The following PDK1 variants were observed in gnomAD, a reference collection of about 807,000 sequenced individuals.
PDK1 encodes the protein pyruvate dehydrogenase kinase 1.
PDK1 carries 39 observed loss-of-function variants against 54.2 expected under a neutral mutation model. The observed-to-expected ratio is 0.72, with a 90% CI of 0.56 to 0.94. The LOEUF is 0.94. Ranked by LOEUF, PDK1 falls within the 40% of genes least tolerant of loss-of-function variation. PDK1 has a pLI of 0.00. For synonymous variants in PDK1, 221 were observed against 207.1 expected (o/e 1.07, Z -0.58); for missense variants, 552 against 566.0 (o/e 0.98, Z 0.25).
intron 1 of PDK1, among the ~76,000 whole-genome samples, chr2:172,558,409 C>T (rs766750225): frequency 1.3e-5 from 2 of 152,146 alleles, no homozygotes; most frequent in Non-Finnish European, 2.9e-5. Flanking sequence ...CTCAGGTTAC[C>T]TAACTTCTAA....
chr2:172,668,798 GTA>G, the PDK1 span, among the ~76,000 whole-genome samples: 1 of 108,444 alleles, frequency 9.2e-6, no homozygotes, highest in African/African-American at 3.7e-5. Context: ...ATATGTATGT[GTA>G]TATATATACA....
intron 8 of PDK1, among the ~76,000 whole-genome samples, chr2:172,576,413 C>T (rs34888332): frequency 0.18 from 26,575 of 150,888 alleles, 2,793 homozygotes; most frequent in African/African-American, 0.28. Flanking sequence ...TAGCTAAATA[C>T]TTATCAATTT....
chr2:172,686,914 T>G, the PDK1 span, among the ~76,000 whole-genome samples: 2 of 152,236 alleles, frequency 1.3e-5, no homozygotes, highest in Non-Finnish European at 2.9e-5. Context: ...ATGAACTTAA[T>G]CACATACCAT....
chr2:172,626,503 T>A, the PDK1 span, among the ~76,000 whole-genome samples: 1 of 152,164 alleles, frequency 6.6e-6, no homozygotes, highest in South Asian at 2.1e-4. Context: ...AGTTTTGAAA[T>A]TAATGTGTTG....
chr2:172,724,021 A>C, the PDK1 span: 1 of 152,224 alleles, frequency 6.6e-6, no homozygotes, highest in African/African-American at 2.4e-5. Flanking sequence ...ATATTATATT[A>C]TATCCTAACC....
chr2:172,684,544 T>G, the PDK1 span, among the ~76,000 whole-genome samples: 27,841 of 152,158 alleles, frequency 0.18, 2,993 homozygotes, highest in African/African-American at 0.3. Context: ...AGTAAACCAA[T>G]CTGGAGATGA....
At chr2:172,615,697 T>G in the PDK1 span, among the ~76,000 whole-genome samples, 1 of 152,170 alleles carries the variant, frequency 6.6e-6, no homozygotes, top group Non-Finnish European at 1.5e-5. Flanking sequence ...TGCAAAATCA[T>G]CTTTACAATA....
At chr2:172,680,366 A>G in the PDK1 span, among the ~76,000 whole-genome samples, 1 of 151,846 alleles carries the variant, frequency 6.6e-6, no homozygotes, top group African/African-American at 2.4e-5. Flanking sequence ...TTCTTTTTTA[A>G]ATAGAGACAA....
At chr2:172,659,960 T>C in the PDK1 span, among the ~76,000 whole-genome samples, 1 of 152,138 alleles carries the variant, frequency 6.6e-6, no homozygotes, top group Admixed American at 6.5e-5. Context: ...AATCTAATGA[T>C]CTAAGTTGCC....
chr2:172,569,421 C>T lies in PDK1; in HGVS notation c.846+604C>T, dbSNP rs193285648. 2.9e-4 allele frequency among the ~76,000 whole-genome samples: 44 copies of T among 151,996 alleles called. No individual in the cohort carries two copies. In the South Asian group the frequency reaches 7.3e-3, roughly 25 times the overall value. Reference sequence around the variant, plus strand: ...TAATATTGAGAGTATCTTTTTTCCCCGCCAATAATACTTGCTGGTTGACAA... The same window carrying T: ...TAATATTGAGAGTATCTTTTTTCCCTGCCAATAATACTTGCTGGTTGACAA... On this transcript the variant is annotated intron_variant, in intron 7 of 10. Transcript: ENST00000282077.
the PDK1 span, among the ~76,000 whole-genome samples, chr2:172,636,590 G>C: frequency 6.6e-6 from 1 of 151,996 alleles, no homozygotes; most frequent in Non-Finnish European, 1.5e-5. Context: ...GCATGGTGGT[G>C]GGCACCTGCA....
chr2:172,643,710 C>T, the PDK1 span, among the ~76,000 whole-genome samples: 1 of 152,146 alleles, frequency 6.6e-6, no homozygotes, highest in Non-Finnish European at 1.5e-5. Context: ...AAGGACAGAG[C>T]TGAGGGTGGG....
chr2:172,681,967 A>G, the PDK1 span, among the ~76,000 whole-genome samples: 3 of 152,190 alleles, frequency 2.0e-5, no homozygotes. Context: ...CATGTTGGCC[A>G]GGCTGGTCTT....
At chr2:172,700,997 GGGGAGA>G in the PDK1 span, among the ~76,000 whole-genome samples, 10 of 152,120 alleles carry the variant, frequency 6.6e-5, no homozygotes, top group East Asian at 3.9e-4. Context: ...ACCGTGCAAA[GGGGAGA>G]GGGAGAGGGA....
chr2:172,662,989 A>G, the PDK1 span, among the ~76,000 whole-genome samples: 1 of 152,198 alleles, frequency 6.6e-6, no homozygotes, highest in Non-Finnish European at 1.5e-5. Context: ...TATTCAATGC[A>G]TATTTGCTGA....
At position 172,556,202 on chromosome 2, in the gene PDK1, G is replaced by T. The variant is rs1368845841; in HGVS notation, c.52G>T (p.Gly18Trp). The T allele has an allele frequency of 7.1e-7, 1 of 1,417,698 alleles. No homozygotes were observed. Among genetic ancestry groups the T allele is most frequent in the South Asian group, 1.5e-5 (1 of 67,820 alleles). 87.8% of individuals were successfully genotyped at this position (1,417,698 alleles called of 1,614,324 possible). The change falls in exon 1 of 11, where the codon GGG becomes TGG. Residue 18 changes from glycine (G) to tryptophan (W), a missense_variant. Gly to Trp is a radical substitution (Grantham distance 184). Coordinates refer to ENST00000282077, the MANE Select transcript of PDK1 (RefSeq NM_002610.5). ...AGCCGCCTTGGCCGGCCCGGGCCCG[G>T]GGCTGCGCGCCGCCGGCTTCAGCCG... ...RGAALAGPGP[G>W]LRAAGFSRSF...
the PDK1 span, among the ~76,000 whole-genome samples, chr2:172,637,451 C>A: frequency 5.9e-5 from 9 of 152,154 alleles, no homozygotes; most frequent in Non-Finnish European, 4.4e-5. Flanking sequence ...TAAAATTATT[C>A]TTTTATCAAG....
At chr2:172,638,795 A>C in the PDK1 span, among the ~76,000 whole-genome samples, 5 of 152,234 alleles carry the variant, frequency 3.3e-5, no homozygotes, top group African/African-American at 7.2e-5. Context: ...TAAATGCACC[A>C]ATCAGCACTC....
At chr2:172,591,385 TCTC>T (rs1487901608) in intron 9 of PDK1, among the ~76,000 whole-genome samples, 7 of 152,130 alleles carry the variant, frequency 4.6e-5, no homozygotes, top group South Asian at 2.1e-4. Flanking sequence ...ACAACATTCT[TCTC>T]CTAAGAAGGT....
Sources: gnomAD v4.1 joint callset for allele counts (sites outside exome capture counted in the v4.1 genomes callset) on GRCh38, gnomAD v4.1.1 for gene constraint, MANE v1.5 for transcripts, NCBI Gene and HGNC (gene_info 2026-07-23, HGNC 2026-07-21) for gene names.